EZR: variants seen among roughly 807,000 people sequenced by gnomAD.
EZR encodes ezrin, also known as cytovillin 2.
EZR carries 40 observed loss-of-function variants against 74.8 expected under a neutral mutation model. That is an observed-to-expected ratio of 0.53 (90% confidence interval 0.42 to 0.70). The LOEUF (loss-of-function observed/expected upper bound fraction) is 0.70. EZR is among the 30% of genes least tolerant of loss of function. The probability of loss-of-function intolerance (pLI) is 0.00; values close to 1 mark genes in which losing one functional copy is unlikely to be tolerated. For missense variants in EZR, 678 were observed against 755.8 expected, an observed-to-expected ratio of 0.90 and a Z score of 1.21; for synonymous variants, 341 against 283.3, an observed-to-expected ratio of 1.20 and a Z score of -2.05.
intron 2 of EZR, among the ~76,000 whole-genome samples, chr6:158,816,510 T>G (rs1583593954): frequency 1.3e-5 from 2 of 152,288 alleles, no homozygotes; most frequent in East Asian, 3.9e-4. Context: ...TGACCACTCC[T>G]CCGCATACCG....
intron 9 of EZR, 57 bp from the exon 10 acceptor site, chr6:158,770,951 G>A (rs1378811810): frequency 6.2e-7 from 1 of 1,611,806 alleles, no homozygotes; most frequent in African/African-American, 1.3e-5. Flanking sequence ...AAAGTGAGGG[G>A]TCAACACACT....
intron 8 of EZR, among the ~76,000 whole-genome samples, chr6:158,772,669 C>T (rs1056457245): frequency 1.3e-5 from 2 of 152,176 alleles, no homozygotes; most frequent in African/African-American, 4.8e-5. Flanking sequence ...GCTTACAAGA[C>T]AGAAGAATAT....
Position 158,796,300 on chromosome 6 carries a change from T to G in EZR, c.13-6929A>C, listed in dbSNP as rs116227887. Among the ~76,000 whole-genome samples, 108 of 152,342 alleles carry G rather than the reference T, an allele frequency of 7.1e-4. 1 individual carries two copies. The highest frequency in any genetic ancestry group is 2.5e-3 in the African/African-American group (106 of 41,578). On this transcript the variant is annotated intron_variant, in intron 2 of 13. Transcript: ENST00000367075. ...CCAATGCAACCGACATGCAAGGTGT[T>G]AAACCCCAAGCTGCTTTATTTTTAA...
At position 158,783,636 on chromosome 6, in the gene EZR, A is replaced by T. The variant is rs752529641; in HGVS notation, c.582T>A (p.Ile194=). 9 of 1,613,994 alleles carry T rather than the reference A, an allele frequency of 5.6e-6. No homozygotes were observed. Among genetic ancestry groups the T allele is most frequent in the Non-Finnish European group, 7.6e-6 (9 of 1,179,950 alleles). Residue 194 remains isoleucine (I), a synonymous_variant, in exon 7 of 14, where the codon ATT becomes ATA. Transcript: ENST00000367075. ...TTCCATACATTTCCAGGTCCTGAGC[A>T]ATCTTCAGGTATTCCAACATAGCAT... ...KDNAMLEYLK[I]AQDLEMYGIN...
intron 2 of EZR, among the ~76,000 whole-genome samples, chr6:158,796,254 G>C (rs539570540): frequency 6.6e-6 from 1 of 152,348 alleles, no homozygotes; most frequent in African/African-American, 2.4e-5. Flanking sequence ...GCAGACACAC[G>C]ACAGCACAGG....
Position 158,784,737 on chromosome 6 carries a change from A to G in EZR, c.468-10T>C, listed in dbSNP as rs1791524580. ...GTGCTGGTCCATCACTCTGGAATGC[A>G]AAAGGAAACAGCACTGTCATCCTTA... is the stretch of plus-strand genomic sequence containing the variant. On this transcript the variant is annotated splice_polypyrimidine_tract_variant and intron_variant, in intron 5 of 13. Coordinates refer to ENST00000367075, the MANE Select transcript of EZR (RefSeq NM_001111077.2). 3.4e-5 allele frequency: 55 copies of G among 1,613,150 alleles called. No individual in the cohort carries two copies. The highest frequency in any genetic ancestry group is 4.5e-5 in the Non-Finnish European group (53 of 1,179,196).
At chr6:158,771,867 T>C (rs759311243) in intron 8 of EZR, among the ~76,000 whole-genome samples, 6 of 152,192 alleles carry the variant, frequency 3.9e-5, no homozygotes, top group South Asian at 4.1e-4. Context: ...TCCCCGATGC[T>C]TGCCTGGACT....
chr6:158,806,573 A>T (rs976104000), intron 2 of EZR, among the ~76,000 whole-genome samples: 6 of 152,242 alleles, frequency 3.9e-5, no homozygotes, highest in African/African-American at 1.2e-4. Flanking sequence ...CTAAAAAAAA[A>T]AATCACAATA....
rs1012894562 is a variant in EZR, at chr6:158,770,022, C to T, written c.1091-78G>A. ...AGCCCTCGCTTTCCATTCCCACCCC[C>T]AAAGCCACAGAGCCCTAGACCAAGT... On this transcript the variant is annotated intron_variant, in intron 10 of 13. Coordinates refer to ENST00000367075, the MANE Select transcript of EZR (RefSeq NM_001111077.2). 5.1e-6 allele frequency: 8 copies of T among 1,569,566 alleles called. No homozygotes were observed. In the African/African-American group the frequency reaches 8.1e-5, roughly 16 times the overall value.
chr6:158,789,243 GTT>G (rs750313410), intron 3 of EZR, 43 bp downstream of exon 3: 1 of 1,435,870 alleles, frequency 7.0e-7, no homozygotes, highest in Non-Finnish European at 9.7e-7. Context: ...TTGCAAAACA[GTT>G]TTTTTTTGTA....
intron 10 of EZR, 102 bp downstream of exon 10, chr6:158,770,662 G>T (rs532651469): frequency 1.4e-6 from 2 of 1,383,574 alleles, no homozygotes; most frequent in Non-Finnish European, 2.0e-6. Flanking sequence ...TGTGGGACAC[G>T]TTCTTGGTTT....
chr6:158,771,966 G>A (rs980979920), intron 8 of EZR, among the ~76,000 whole-genome samples: 14 of 152,040 alleles, frequency 9.2e-5, no homozygotes, highest in Non-Finnish European at 1.5e-4. Context: ...TCACCACCCC[G>A]ACCCATCACT....
At chr6:158,782,811 G>GA (rs1791468491) in intron 7 of EZR, among the ~76,000 whole-genome samples, 3 of 152,208 alleles carry the variant, frequency 2.0e-5, no homozygotes, top group Non-Finnish European at 4.4e-5. Context: ...GATCAATCCA[G>GA]AATCTAGGAT....
chr6:158,810,860 G>A (rs1583589622), intron 2 of EZR, among the ~76,000 whole-genome samples: 2 of 152,154 alleles, frequency 1.3e-5, no homozygotes, highest in Admixed American at 6.5e-5. Context: ...CTTTGTCTCC[G>A]TTTATCTTAT....
At position 158,766,616 on chromosome 6, in the gene EZR, C is replaced by G. The variant is rs2128562999; in HGVS notation, c.*298G>C. On this transcript the variant is annotated 3_prime_UTR_variant, in exon 14 of 14. Transcript: ENST00000367075. ...TATCACACAGGCCAGCATGAAGTTT[C>G]TTACTCAGACTTTACAGGCATTTTC... 1 of 350,130 alleles carries G rather than the reference C, an allele frequency of 2.9e-6. No individual in the cohort carries two copies. The highest frequency in any genetic ancestry group is 7.7e-4 in the Middle Eastern group (1 of 1,302). 21.7% of individuals were successfully genotyped at this position (350,130 alleles called of 1,614,324 possible).
chr6:158,766,120 GT>G lies in EZR; in HGVS notation c.*793del, dbSNP rs1790781527. On this transcript the variant is annotated 3_prime_UTR_variant, in exon 14 of 14. Coordinates refer to ENST00000367075, the MANE Select transcript of EZR (RefSeq NM_001111077.2). ...CTGCCACATCACATCAAGTGCCATG[GT>G]TTAGAGGGTTTTTCATATGTAATTC... The G allele has an allele frequency of 6.6e-6, 1 of 152,596 alleles. No individual in the cohort carries two copies. The highest frequency in any genetic ancestry group is 1.9e-4 in the East Asian group (1 of 5,198). The allele number at this position is 152,596 out of a possible 1,614,324, so 9.5% of individuals were successfully genotyped here. A position where few individuals can be genotyped will look rare whatever the true frequency, so the allele number is the denominator to read the frequency against.
At chr6:158,797,795 T>C (rs947933180) in intron 2 of EZR, among the ~76,000 whole-genome samples, 2 of 152,246 alleles carry the variant, frequency 1.3e-5, no homozygotes, top group African/African-American at 2.4e-5. Context: ...TTTCCTTTCA[T>C]GTTGAGTCAC....
chr6:158,818,378 C>A (rs1455159122), intron 1 of EZR, among the ~76,000 whole-genome samples: 1 of 150,530 alleles, frequency 6.6e-6, no homozygotes, highest in African/African-American at 2.4e-5. Context: ...CGCCCGAGAG[C>A]GGGGGCGCGC....
intron 8 of EZR, among the ~76,000 whole-genome samples, chr6:158,772,105 G>T (rs1791129176): frequency 6.6e-6 from 1 of 152,194 alleles, no homozygotes; most frequent in Non-Finnish European, 1.5e-5. Flanking sequence ...CCCTGCTCCT[G>T]CCACACCAGC....
Sources: allele counts gnomAD v4.1 joint callset (sites outside exome capture counted in the v4.1 genomes callset), GRCh38; gene constraint gnomAD v4.1.1; transcripts MANE v1.5; gene names NCBI Gene and HGNC (gene_info 2026-07-23, HGNC 2026-07-21).